The following ZAN variants were observed in gnomAD, a reference collection of about 807,000 sequenced individuals.
The protein encoded by ZAN is zonadhesin (gene/pseudogene).
In ZAN, 260 loss-of-function variants were observed where a neutral mutation model predicts 286.2. That is an observed-to-expected ratio of 0.91 (90% CI 0.82 to 1.01). The LOEUF is 1.01. Among genes scored for constraint, ZAN ranks in the 50% least tolerant of loss-of-function variants. ZAN has a pLI of 0.00. For missense variants in ZAN, 3,410 were observed against 3,639.2 expected, an observed-to-expected ratio of 0.94 and a Z score of 1.62; for synonymous variants, 1,368 against 1,417.5, an observed-to-expected ratio of 0.97 and a Z score of 0.79.
At chr7:100,760,343 C>T (rs755256251) in intron 18 of ZAN, 48 bp from the exon 19 acceptor site, 1 of 1,600,796 alleles carries the variant, frequency 6.2e-7, no homozygotes, top group Admixed American at 1.7e-5. Flanking sequence ...CTGGGGTCCT[C>T]CTTGACCCCC....
In ZAN at chr7:100,768,637, A is replaced by T. The variant is rs377207747; in HGVS notation, c.5069A>T (p.Asp1690Val). 3.9e-5 allele frequency: 63 copies of T among 1,610,440 alleles called. No individual in the cohort carries two copies. The highest frequency in any genetic ancestry group is 5.1e-6 in the Non-Finnish European group (6 of 1,178,338). Residue 1690 changes from aspartate to valine, a missense_variant, in exon 27 of 48, where the codon GAC becomes GTC. Coordinates refer to ENST00000613979, the MANE Select transcript of ZAN (RefSeq NM_003386.3). ...AACTACAACAACAACAGCTTGGATG[A>T]CAACCTGCGCCCCGACAGAAAGCTT... ...CGNYNNNSLD[D>V]NLRPDRKLAG...
rs1211440346 is a variant in ZAN, at chr7:100,773,744, G to T, written c.5658G>T (p.Glu1886Asp). 1 of 1,610,924 alleles carries T rather than the reference G, an allele frequency of 6.2e-7. No homozygotes were observed. Among genetic ancestry groups the T allele is most frequent in the African/African-American group, 1.3e-5 (1 of 74,854 alleles). Residue 1886 changes from glutamate (E) to aspartate (D), a missense_variant, in exon 31 of 48, where the codon GAG becomes GAT. By Grantham distance (45) the Glu-to-Asp change is conservative (BLOSUM62 2). Coordinates refer to ENST00000613979, the MANE Select transcript of ZAN (RefSeq NM_003386.3). The stretch of plus-strand genomic sequence containing the variant: ...AGGTCGGGGAGCGCTGGTACACAGA[G>T]AACACCTGCACCAGGCTCTGCACCT... ...YHPVGERWYT[E>D]NTCTRLCTCS... is the part of the protein sequence containing the mutation.
At chr7:100,785,420 T>G (rs553007869) in intron 36 of ZAN, among the ~76,000 whole-genome samples, 2 of 151,600 alleles carry the variant, frequency 1.3e-5, no homozygotes, top group Admixed American at 6.6e-5. Flanking sequence ...TAGTAGAGAT[T>G]GGGTTTCACC....
In ZAN at chr7:100,758,701, G is replaced by A. The variant is rs1014081052; in HGVS notation, c.3571+51G>A. 1.9e-5 allele frequency: 29 copies of A among 1,539,430 alleles called. No homozygotes were observed. The Admixed American group carries it at 2.2e-4, about 11-fold the overall frequency. On this transcript the variant is annotated intron_variant, in intron 17 of 47. Coordinates refer to ENST00000613979, the MANE Select transcript of ZAN (RefSeq NM_003386.3). ...CCTGGGGGGAGGGTCTGTGGGCAGC[G>A]CTGCTAGGCATGGGGCATGGTGGGT...
chr7:100,762,338 G>A lies in ZAN; in HGVS notation c.3966G>A (p.Thr1322=), dbSNP rs747564482. ...AGGAGCTGGGGAACAGCTGGCAGAC[G>A]GACCAGGACGAGGACCAGGAGTGAG... ...DKEELGNSWQ[T]DQDEDQECQK... Residue 1322 remains threonine (T), a synonymous_variant, in exon 20 of 48, where the codon ACG becomes ACA. Coordinates refer to ENST00000613979, the MANE Select transcript of ZAN (RefSeq NM_003386.3). 2.4e-5 allele frequency: 39 copies of A among 1,612,950 alleles called. No homozygotes were observed. The highest frequency in any genetic ancestry group is 2.3e-4 in the Admixed American group (14 of 59,916).
rs1361517828 is a variant in ZAN, at chr7:100,762,329, C to A, written c.3957C>A (p.Ser1319Arg). ...GAGACAAGGAGGAGCTGGGGAACAG[C>A]TGGCAGACGGACCAGGACGAGGACC... ...PAGDKEELGN[S>R]WQTDQDEDQE... is the part of the protein sequence containing the mutation. The change falls in exon 20 of 48, where the codon AGC (serine) becomes AGA (arginine). Residue 1319 changes from serine to arginine, a missense_variant. Ser to Arg is a moderately radical substitution (Grantham distance 110). Coordinates refer to ENST00000613979, the MANE Select transcript of ZAN (RefSeq NM_003386.3). 1 of 1,612,782 alleles carries A rather than the reference C, an allele frequency of 6.2e-7. No homozygotes were observed. The highest frequency in any genetic ancestry group is 8.5e-7 in the Non-Finnish European group (1 of 1,179,338).
In ZAN at chr7:100,737,945, A is replaced by AATTTATTT. The variant is rs544558816; in HGVS notation, c.614-495_614-488dup. Among the ~76,000 whole-genome samples the AATTTATTT allele has an allele frequency of 8.7e-3, 1,204 of 138,028 alleles. 144 individuals carry two copies. The highest frequency in any genetic ancestry group is 0.031 in the African/African-American group (1,155 of 37,722). 90.6% of individuals were successfully genotyped at this position (138,028 alleles called of 152,430 possible). A position where few individuals can be genotyped will look rare whatever the true frequency, so the allele number is the denominator to read the frequency against. Reference sequence around the variant, plus strand: ...AAGGAGACCCCCATCTCTACAAAAGAATTTATTTATTTATTTATTTATTTA... The same window carrying AATTTATTT: ...AAGGAGACCCCCATCTCTACAAAAGAATTTATTTATTTATTTATTTATTTATTTATTTA... On this transcript the variant is annotated intron_variant, in intron 6 of 47. Transcript: ENST00000613979.
At chr7:100,755,473 G>A in intron 15 of ZAN, 63 bp downstream of exon 15, 1 of 1,560,802 alleles carries the variant, frequency 6.4e-7, no homozygotes, top group South Asian at 1.2e-5. Context: ...CTGGGTTCCA[G>A]CTCCATCTGC....
At chr7:100,760,280 G>T in intron 18 of ZAN, 111 bp from the exon 19 acceptor site, 3 of 1,427,864 alleles carry the variant, frequency 2.1e-6, no homozygotes, top group Non-Finnish European at 2.9e-6. Flanking sequence ...GGATGAGATT[G>T]TTAGGCCGCT....
chr7:100,795,266 C>T lies in ZAN; in HGVS notation c.8196C>T (p.Cys2732=), dbSNP rs200292448. The part of the protein sequence containing the change: ...QCREQGATFT[C]ECEVGYGGGL... ...GGGAGCAGGGAGCCACCTTCACCTG[C>T]GAGTGTGAAGTTGGTTACGGGGGAG... is the stretch of plus-strand genomic sequence containing the variant. Residue 2732 remains cysteine, a synonymous_variant, in exon 45 of 48, where the codon TGC becomes TGT. Transcript: ENST00000613979. The T allele has an allele frequency of 2.4e-5, 39 of 1,610,864 alleles. No individual in the cohort carries two copies. The highest frequency in any genetic ancestry group is 1.3e-4 in the East Asian group (6 of 44,536).
intron 2 of ZAN, among the ~76,000 whole-genome samples, chr7:100,735,267 A>G (rs1204128189): frequency 7.2e-6 from 1 of 138,006 alleles, no homozygotes; most frequent in Non-Finnish European, 1.6e-5. Context: ...AACTTCAACA[A>G]CAACAAAAAA....
In ZAN at chr7:100,752,995, A is replaced by G. The variant is rs200290458; in HGVS notation, c.2890A>G (p.Ile964Val). Residue 964 changes from isoleucine to valine, a missense_variant, in exon 14 of 48, where the codon ATC (isoleucine) becomes GTC (valine). Ile to Val is a conservative substitution (Grantham distance 29). Around this residue, in one of 7 missense-constraint regions of ZAN, gnomAD observed 1,042 missense variants for 1,058.0 expected, o/e 0.98. Transcript: ENST00000613979. ...CACCATCCCCACAGAAAAACCCACC[A>G]TCTCCACGGAAAAACCCACCATCCC... ...KLTIPTEKPT[I>V]STEKPTIPTE... 1,364 of 1,608,520 alleles carry G rather than the reference A, an allele frequency of 8.5e-4. 17 individuals are homozygous for G. In the African/African-American group the frequency reaches 0.016, roughly 19 times the overall value.
intron 23 of ZAN, 66 bp downstream of exon 23, chr7:100,765,620 C>G (rs1343874025): frequency 4.1e-6 from 6 of 1,474,528 alleles, no homozygotes; most frequent in South Asian, 2.5e-5. Context: ...TCTCACACCC[C>G]CTGCAAGCTC....
chr7:100,776,032 G>T (rs1209362200), intron 33 of ZAN, among the ~76,000 whole-genome samples, 199 bp downstream of exon 33: 4 of 152,034 alleles, frequency 2.6e-5, no homozygotes, highest in Non-Finnish European at 5.9e-5. Flanking sequence ...AAACCATTCT[G>T]CCCGGGCATG....
At position 100,757,220 on chromosome 7, in the gene ZAN, G is replaced by C. The variant is rs370474132; in HGVS notation, c.3310-982G>C. Among the ~76,000 whole-genome samples the C allele has an allele frequency of 4.6e-5, 7 of 151,640 alleles. No homozygotes were observed. The East Asian group carries it at 1.4e-3, about 30-fold the overall frequency. ...GCCCAGGCTGGTCTATGAACTCCTG[G>C]GCTCAACCCATCCTCCCACCTCAGC... is the stretch of plus-strand genomic sequence containing the variant. On this transcript the variant is annotated intron_variant, in intron 15 of 47. Coordinates refer to ENST00000613979, the MANE Select transcript of ZAN (RefSeq NM_003386.3).
chr7:100,794,529 T>C (rs1228921497), intron 44 of ZAN, among the ~76,000 whole-genome samples: 1 of 152,174 alleles, frequency 6.6e-6, no homozygotes, highest in Non-Finnish European at 1.5e-5. Flanking sequence ...AACATGGAGT[T>C]CAGAGAGGTT....
chr7:100,790,930 T>TTCC lies in ZAN; in HGVS notation c.7358-8_7358-6dup, dbSNP rs748369725. 43 of 1,587,952 alleles carry TTCC rather than the reference T, an allele frequency of 2.7e-5. No homozygotes were observed. The highest frequency in any genetic ancestry group is 2.5e-4 in the East Asian group (11 of 43,938). ...AGGAGTCTCACTTCTGGGGACCCCC[T>TTCC]TCCTCCCGCAGTGATCTCCCTACCC... On this transcript the variant is annotated splice_polypyrimidine_tract_variant and intron_variant, in intron 39 of 47. Transcript: ENST00000613979.
At chr7:100,749,373 G>A (rs1171488810) in intron 11 of ZAN, among the ~76,000 whole-genome samples, 1 of 151,932 alleles carries the variant, frequency 6.6e-6, no homozygotes. Flanking sequence ...GGGCGCAGTG[G>A]CTCACACCTG....
At position 100,734,944 on chromosome 7, in the gene ZAN, G is replaced by A. The variant is rs1056078364; in HGVS notation, c.53+723G>A. On this transcript the variant is annotated intron_variant, in intron 2 of 47. Coordinates refer to ENST00000613979, the MANE Select transcript of ZAN (RefSeq NM_003386.3). ...CTCACCCCTGTAATCCCAGCACTTT[G>A]GGAGGCCGAGGCGGGCGGATCACCT... Among the ~76,000 whole-genome samples, 7 of 140,666 alleles carry A rather than the reference G, an allele frequency of 5.0e-5. 2 individuals are homozygous for A. Among genetic ancestry groups the A allele is most frequent in the Admixed American group, 1.4e-4 (2 of 14,094 alleles). The allele number at this position is 140,666 out of a possible 152,430, so 92.3% of individuals were successfully genotyped here.
Sources: allele counts gnomAD v4.1 joint callset (sites outside exome capture counted in the v4.1 genomes callset), GRCh38; gene constraint gnomAD v4.1.1; regional missense constraint gnomAD v4.1.1; transcripts MANE v1.5; gene names NCBI Gene and HGNC (gene_info 2026-07-23, HGNC 2026-07-21).